Variants in ACAT1 observed in about 807,000 individuals in gnomAD.
ACAT1 encodes the protein acetyl-CoA acetyltransferase, mitochondrial.
A neutral mutation model predicts 47.3 loss-of-function variants in ACAT1; 28 were observed. The ratio of observed to expected loss-of-function variants is 0.59; its 90% confidence interval spans 0.44 to 0.81. The LOEUF (loss-of-function observed/expected upper bound fraction) is 0.81. ACAT1 is among the 30% of genes least tolerant of loss of function. ACAT1 has a pLI of 0.00. For missense variants in ACAT1, 469 were observed against 524.3 expected (o/e 0.89, Z 1.03); for synonymous variants, 181 against 173.6 (o/e 1.04, Z -0.34).
Position 108,134,276 on chromosome 11 carries a change from T to G in ACAT1, c.294T>G (p.Gly98=), listed in dbSNP as rs1303464594. The G allele has an allele frequency of 6.2e-7, 1 of 1,611,734 alleles. No homozygotes were observed. The highest frequency in any genetic ancestry group is 1.1e-5 in the South Asian group (1 of 90,982). ...ACATGGGTAATGTTCTACAAGGAGGTGAAGGACAAGCTCCTACAAGGCAGG... is the reference window on the plus strand; with the variant it reads ...ACATGGGTAATGTTCTACAAGGAGGGGAAGGACAAGCTCCTACAAGGCAGG... ...EAYMGNVLQG[G]EGQAPTRQAV... Residue 98 remains glycine (G), a synonymous_variant, in exon 4 of 12, where the codon GGT becomes GGG. Coordinates refer to ENST00000265838, the MANE Select transcript of ACAT1 (RefSeq NM_000019.4).
intron 1 of ACAT1, among the ~76,000 whole-genome samples, chr11:108,125,809 C>T (rs2135300811): frequency 6.6e-6 from 1 of 151,822 alleles, no homozygotes; most frequent in Admixed American, 6.6e-5. Context: ...GCTTGTAGTC[C>T]CAGCTACCTG....
Position 108,126,462 on chromosome 11 carries a change from A to G in ACAT1, c.72+4784A>G, listed in dbSNP as rs367559987. 1.8e-4 allele frequency among the ~76,000 whole-genome samples: 27 copies of G among 152,350 alleles called. No individual in the cohort carries two copies. In the East Asian group the frequency reaches 2.1e-3, roughly 12 times the overall value. Reference sequence around the variant, plus strand: ...CATGCAGGTTCTTGGAGGATGAGGTAAAGAATTTGTATATAATTCCAAGAG... The same window carrying G: ...CATGCAGGTTCTTGGAGGATGAGGTGAAGAATTTGTATATAATTCCAAGAG... On this transcript the variant is annotated intron_variant, in intron 1 of 11. Transcript: ENST00000265838.
chr11:108,124,378 C>G (rs553427929), intron 1 of ACAT1, among the ~76,000 whole-genome samples: 1 of 152,208 alleles, frequency 6.6e-6, no homozygotes, highest in Non-Finnish European at 1.5e-5. Context: ...GTTCTCCTGC[C>G]TCAGCCTCCT....
intron 4 of ACAT1, 37 bp downstream of exon 4, chr11:108,134,353 G>A (rs1047509944): frequency 2.6e-6 from 4 of 1,544,928 alleles, no homozygotes; most frequent in African/African-American, 1.4e-5. Flanking sequence ...TACTTAAAAT[G>A]TGTAAAAGGG....
At position 108,131,911 on chromosome 11, in the gene ACAT1, T is replaced by C; in HGVS notation, c.77T>C (p.Ile26Thr). ...SPLLRRLVQE[I>T]RYVERSYVSK... ...TTATAAATATTTATATTACAGGAAA[T>C]AAGATATGTGGAACGGAGTTATGTA... Residue 26 changes from isoleucine (I) to threonine (T), a missense_variant, in exon 2 of 12, where the codon ATA becomes ACA. Transcript: ENST00000265838. 1 of 1,392,014 alleles carries C rather than the reference T, an allele frequency of 7.2e-7. No homozygotes were observed. Among genetic ancestry groups the C allele is most frequent in the Middle Eastern group, 1.8e-4 (1 of 5,444 alleles). The allele number at this position is 1,392,014 out of a possible 1,614,324, so 86.2% of individuals were successfully genotyped here. A position where few individuals can be genotyped will look rare whatever the true frequency, so the allele number is the denominator to read the frequency against.
chr11:108,146,436 T>G (rs1335864266), intron 11 of ACAT1, 77 bp downstream of exon 11: 2 of 1,531,426 alleles, frequency 1.3e-6, no homozygotes, highest in African/African-American at 2.7e-5. Context: ...TGCTTCATAA[T>G]TCCCATTGCT....
In ACAT1 at chr11:108,131,877, A is replaced by G. The variant is rs1186102947; in HGVS notation, c.73-30A>G. ...AATGATATAGTTTAATATTTTTTAC[A>G]TTATAACATTATAAATATTTATATT... On this transcript the variant is annotated intron_variant, in intron 1 of 11. Transcript: ENST00000265838. 6 of 1,055,448 alleles carry G rather than the reference A, an allele frequency of 5.7e-6. No individual in the cohort carries two copies. In the Admixed American group the frequency reaches 8.6e-5, roughly 15 times the overall value. The allele number at this position is 1,055,448 out of a possible 1,614,324, so 65.4% of individuals were successfully genotyped here. A position where few individuals can be genotyped will look rare whatever the true frequency, so the allele number is the denominator to read the frequency against.
chr11:108,121,878 C>T (rs969487219), intron 1 of ACAT1, 200 bp downstream of exon 1: 6 of 607,788 alleles, frequency 9.9e-6, no homozygotes, highest in Non-Finnish European at 1.5e-5. Context: ...TTTTACAGCG[C>T]GTTTCTACTT....
intron 6 of ACAT1, chr11:108,139,309 G>T (rs2077535188): frequency 4.5e-6 from 2 of 442,980 alleles, no homozygotes; most frequent in South Asian, 2.1e-5. Context: ...AGACATGAGT[G>T]GCTGGGTGCG....
chr11:108,132,536 A>G (rs2077380883), intron 2 of ACAT1, among the ~76,000 whole-genome samples: 1 of 152,186 alleles, frequency 6.6e-6, no homozygotes, highest in African/African-American at 2.4e-5. Flanking sequence ...CTTAAAGTTC[A>G]TATTATTGTC....
intron 10 of ACAT1, among the ~76,000 whole-genome samples, chr11:108,145,643 C>T (rs1405249215): frequency 6.6e-6 from 1 of 152,130 alleles, no homozygotes; most frequent in Non-Finnish European, 1.5e-5. Context: ...GAAAATGTAC[C>T]TTTTCAAATA....
upstream of ACAT1, among the ~76,000 whole-genome samples, chr11:108,120,428 C>T (rs1478221307): frequency 6.6e-6 from 1 of 151,930 alleles, no homozygotes; most frequent in East Asian, 1.9e-4. Context: ...GATCCCCTAG[C>T]TACTTGGGAG....
At chr11:108,131,795 A>T (rs2077364770) in intron 1 of ACAT1, 112 bp from the exon 2 acceptor site, 1 of 425,314 alleles carries the variant, frequency 2.4e-6, no homozygotes, top group Admixed American at 4.3e-5. Flanking sequence ...AAACTTGGAA[A>T]TAAAAGCATA....
chr11:108,137,028 A>C (rs1279453773), intron 5 of ACAT1: 1 of 152,206 alleles, frequency 6.6e-6, no homozygotes, highest in African/African-American at 2.4e-5. Flanking sequence ...GCCAGTTGCC[A>C]AGGATGTAAA....
chr11:108,129,339 T>C (rs2077312510), intron 1 of ACAT1: 1 of 152,254 alleles, frequency 6.6e-6, no homozygotes. Flanking sequence ...TGTGCTGCTA[T>C]GAACATGCGT....
Position 108,133,851 on chromosome 11 carries a change from C to A in ACAT1, c.152C>A (p.Pro51His), listed in dbSNP as rs760268967. 2 of 1,613,932 alleles carry A rather than the reference C, an allele frequency of 1.2e-6. No homozygotes were observed. Among genetic ancestry groups the A allele is most frequent in the Non-Finnish European group, 8.5e-7 (1 of 1,179,982 alleles). The change falls in exon 3 of 12, where the codon CCC becomes CAC. Residue 51 changes from proline (P) to histidine (H), a missense_variant. Transcript: ENST00000265838. ...EVVIVSATRT[P>H]IGSFLGSLSL... The stretch of plus-strand genomic sequence containing the variant: ...GTCATAGTAAGTGCTACAAGAACAC[C>A]CATTGGATCTTTTTTAGGCAGCCTT...
chr11:108,121,658 C>G lies in ACAT1; in HGVS notation c.52C>G (p.Leu18Val), dbSNP rs1462454471. Reference sequence around the variant, plus strand: ...CAGCGGCGCCCGCAGCCGCAGCCCCCTGCTCCGGAGGCTGGTGCAGGTGAG... The same window carrying G: ...CAGCGGCGCCCGCAGCCGCAGCCCCGTGCTCCGGAGGCTGGTGCAGGTGAG... ...LRSGARSRSP[L>V]LRRLVQEIRY... The change falls in exon 1 of 12, where the codon CTG (leucine) becomes GTG (valine). Residue 18 changes from leucine (L) to valine (V), a missense_variant. Physicochemically the swap from Leu to Val is conservative, Grantham distance 32. Transcript: ENST00000265838. 7.1e-6 allele frequency: 11 copies of G among 1,549,450 alleles called. No individual in the cohort carries two copies. The highest frequency in any genetic ancestry group is 8.7e-6 in the Non-Finnish European group (10 of 1,147,226).
chr11:108,124,505 G>C (rs2135295395), intron 1 of ACAT1, among the ~76,000 whole-genome samples: 1 of 152,134 alleles, frequency 6.6e-6, no homozygotes, highest in African/African-American at 2.4e-5. Context: ...AGCTCACCAG[G>C]TGATCCACCT....
At chr11:108,129,543 AT>A (rs2077317486) in intron 1 of ACAT1, among the ~76,000 whole-genome samples, 1 of 151,636 alleles carries the variant, frequency 6.6e-6, no homozygotes, top group Admixed American at 6.6e-5. Context: ...TAATTTTTGT[AT>A]TTTTAGTAGA....
Sources: gnomAD v4.1 joint callset for allele counts (sites outside exome capture counted in the v4.1 genomes callset) on GRCh38, gnomAD v4.1.1 for gene constraint, MANE v1.5 for transcripts, NCBI Gene and HGNC (gene_info 2026-07-23, HGNC 2026-07-21) for gene names.